Variants in DDX10 observed in about 807,000 individuals in gnomAD.
DDX10 encodes the protein probable ATP-dependent RNA helicase DDX10.
Under a neutral mutation model 104.3 loss-of-function variants are expected in DDX10, and 74 were observed. The observed-to-expected ratio is 0.71, with a 90% CI of 0.59 to 0.86. The LOEUF is 0.86. Ranked by LOEUF, DDX10 falls within the 40% of genes least tolerant of loss-of-function variation. DDX10 has a pLI of 0.00. For synonymous variants in DDX10, 351 were observed against 353.4 expected (o/e 0.99, Z 0.08); for missense variants, 952 against 1,040.0 (o/e 0.92, Z 1.16).
chr11:108,852,348 A>G, intron 16 of DDX10, 139 bp downstream of exon 16: 2 of 607,340 alleles, frequency 3.3e-6, no homozygotes, highest in Non-Finnish European at 5.6e-6. Flanking sequence ...GATTTTATAT[A>G]TTATTTGTAT....
intron 13 of DDX10, among the ~76,000 whole-genome samples, chr11:108,786,348 T>C (rs1428321190): frequency 1.3e-5 from 2 of 152,196 alleles, no homozygotes; most frequent in Non-Finnish European, 2.9e-5. Context: ...TGGAGTATTC[T>C]GTAGATGTTT....
At chr11:108,928,237 T>C (rs1328924346) in intron 17 of DDX10, among the ~76,000 whole-genome samples, 1 of 152,198 alleles carries the variant, frequency 6.6e-6, no homozygotes, top group African/African-American at 2.4e-5. Flanking sequence ...GAATAAGCCC[T>C]AGGAGTTCTC....
At chr11:108,700,532 G>T (rs1026088804) in intron 9 of DDX10, among the ~76,000 whole-genome samples, 1 of 152,232 alleles carries the variant, frequency 6.6e-6, no homozygotes, top group African/African-American at 2.4e-5. Flanking sequence ...GTTACTGGGA[G>T]AAGAAAGGTA....
At chr11:108,749,800 T>A (rs368316239) in intron 13 of DDX10, among the ~76,000 whole-genome samples, 338 of 152,332 alleles carry the variant, frequency 2.2e-3, no homozygotes, top group African/African-American at 7.8e-3. Context: ...ATTATTAAAA[T>A]GGCCATTTAT....
intron 13 of DDX10, among the ~76,000 whole-genome samples, chr11:108,831,158 C>A (rs1862464031): frequency 6.6e-6 from 1 of 152,152 alleles, no homozygotes. Flanking sequence ...GTAATCCCAG[C>A]ACTTTGGGAG....
At chr11:108,725,161 C>T (rs1191937799) in intron 13 of DDX10, among the ~76,000 whole-genome samples, 1 of 151,888 alleles carries the variant, frequency 6.6e-6, no homozygotes, top group Non-Finnish European at 1.5e-5. Flanking sequence ...GTAGTTTGTT[C>T]CTTTTAATTG....
At chr11:108,774,924 A>G (rs535353798) in intron 13 of DDX10, among the ~76,000 whole-genome samples, 6 of 152,302 alleles carry the variant, frequency 3.9e-5, no homozygotes, top group East Asian at 1.9e-4. Flanking sequence ...GAACAAGAAG[A>G]CATATCAATT....
chr11:108,929,612 C>G (rs1863951581), intron 17 of DDX10: 1 of 152,068 alleles, frequency 6.6e-6, no homozygotes, highest in Admixed American at 6.6e-5. Flanking sequence ...CATACAGTGG[C>G]AACTCATTAG....
intron 13 of DDX10, among the ~76,000 whole-genome samples, chr11:108,734,454 A>G (rs1044831805): frequency 1.3e-5 from 2 of 152,150 alleles, no homozygotes; most frequent in African/African-American, 4.8e-5. Flanking sequence ...TTAGATGCAT[A>G]TATTGAGTTG....
chr11:108,841,512 T>A (rs758557249), intron 15 of DDX10, 36 bp downstream of exon 15: 1 of 1,593,182 alleles, frequency 6.3e-7, no homozygotes. Flanking sequence ...CTGAGTAAAA[T>A]TTAGTGTCCC....
At chr11:108,873,891 C>A (rs747229617) in intron 16 of DDX10, among the ~76,000 whole-genome samples, 1 of 152,126 alleles carries the variant, frequency 6.6e-6, no homozygotes, top group Non-Finnish European at 1.5e-5. Flanking sequence ...ATCTTTCATT[C>A]TTCTAGGTAT....
chr11:108,670,233 G>C (rs1364224635), intron 1 of DDX10, among the ~76,000 whole-genome samples: 1 of 152,116 alleles, frequency 6.6e-6, no homozygotes, highest in Non-Finnish European at 1.5e-5. Context: ...TGGGTCCTTT[G>C]AGAGGCAGAT....
At chr11:108,738,429 A>G (rs1019123708) in intron 13 of DDX10, among the ~76,000 whole-genome samples, 3 of 152,028 alleles carry the variant, frequency 2.0e-5, no homozygotes, top group African/African-American at 7.2e-5. Context: ...TGGTTATTGA[A>G]TCTTTTTAGA....
At chr11:108,793,854 A>G (rs1439377908) in intron 13 of DDX10, among the ~76,000 whole-genome samples, 7 of 148,232 alleles carry the variant, frequency 4.7e-5, no homozygotes, top group African/African-American at 1.7e-4. Flanking sequence ...TCTGGTACCT[A>G]TCATTCTATT....
intron 13 of DDX10, among the ~76,000 whole-genome samples, chr11:108,741,144 T>G (rs1486377702): frequency 6.6e-6 from 1 of 152,166 alleles, no homozygotes; most frequent in East Asian, 1.9e-4. Flanking sequence ...GGGCTCTCTA[T>G]TCTGTTCCAT....
At chr11:108,678,733 T>A (rs1035516580) in intron 5 of DDX10, among the ~76,000 whole-genome samples, 3 of 148,642 alleles carry the variant, frequency 2.0e-5, no homozygotes, top group Non-Finnish European at 4.6e-5. Flanking sequence ...GGCATTTTTT[T>A]AAATGAACTT....
At chr11:108,862,300 A>G (rs1862952529) in intron 16 of DDX10, among the ~76,000 whole-genome samples, 1 of 152,208 alleles carries the variant, frequency 6.6e-6, no homozygotes, top group Admixed American at 6.5e-5. Context: ...CTGGGATTAC[A>G]GGCATGAGAC....
At chr11:108,719,287 A>T (rs137985841) in intron 11 of DDX10, among the ~76,000 whole-genome samples, 1 of 152,178 alleles carries the variant, frequency 6.6e-6, no homozygotes, top group Non-Finnish European at 1.5e-5. Flanking sequence ...ACAAAATATT[A>T]TCAATAACTA....
intron 13 of DDX10, among the ~76,000 whole-genome samples, chr11:108,804,402 G>A (rs755235025): frequency 2.0e-5 from 3 of 151,056 alleles, no homozygotes; most frequent in Admixed American, 6.6e-5. Flanking sequence ...TTGGGAGGCT[G>A]AGGTGAGATG....
Sources: allele counts gnomAD v4.1 joint callset (sites outside exome capture counted in the v4.1 genomes callset), GRCh38; gene constraint gnomAD v4.1.1; transcripts MANE v1.5; gene names NCBI Gene and HGNC (gene_info 2026-07-23, HGNC 2026-07-21).